The following STX11 variants were observed in gnomAD, a reference collection of about 807,000 sequenced individuals.
STX11 encodes syntaxin 11, also known as syntaxin-11.
STX11 carries 21 observed loss-of-function variants against 19.9 expected under a neutral mutation model. The ratio of observed to expected loss-of-function variants is 1.06; its 90% confidence interval spans 0.75 to 1.52. The LOEUF (loss-of-function observed/expected upper bound fraction) is 1.52, where lower values mean the gene tolerates loss of function less well. Ranked by LOEUF, STX11 falls within the 40% of genes most tolerant of loss-of-function variation. The pLI, the probability that STX11 is intolerant of heterozygous loss-of-function variation, is 0.00. For synonymous variants in STX11, 193 were observed against 174.4 expected (o/e 1.11, Z -0.84); for missense variants, 438 against 405.9 (o/e 1.08, Z -0.68).
intron 1 of STX11, among the ~76,000 whole-genome samples, chr6:144,164,480 T>C (rs1012087278): frequency 5.9e-5 from 9 of 152,350 alleles, no homozygotes; most frequent in Admixed American, 3.9e-4. Context: ...CATTATTCTT[T>C]AGCTACAGAA....
rs554900616 is a variant in STX11 at position 144,160,571 on chromosome 6, A to G, written c.-6+9868A>G. Reference sequence around the variant, plus strand: ...CTGACATCACAAAGCAAATAGGCCAAGTGCTAACATGTGCATATTTAACCT... The same window carrying G: ...CTGACATCACAAAGCAAATAGGCCAGGTGCTAACATGTGCATATTTAACCT... On this transcript the variant is annotated intron_variant, in intron 1 of 1. Transcript: ENST00000367568. This position sits in a 1 kb window ranked among gnomAD's most constrained non-coding sequence, Gnocchi z 4.3. 1.1e-4 allele frequency among the ~76,000 whole-genome samples: 17 copies of G among 152,324 alleles called. No homozygotes were observed. The highest frequency in any genetic ancestry group is 4.1e-4 in the African/African-American group (17 of 41,566).
upstream of STX11, among the ~76,000 whole-genome samples, chr6:144,145,707 ATAGAAG>A (rs367631058): frequency 6.6e-6 from 1 of 152,220 alleles, no homozygotes; most frequent in African/African-American, 2.4e-5. Flanking sequence ...CACTGAACTC[ATAGAAG>A]TAGAAGTAGA....
In STX11 at chr6:144,162,987, T is replaced by C. The variant is rs528803145; in HGVS notation, c.-6+12284T>C. 5.9e-5 allele frequency among the ~76,000 whole-genome samples: 9 copies of C among 152,352 alleles called. No homozygotes were observed. The highest frequency in any genetic ancestry group is 2.2e-4 in the African/African-American group (9 of 41,584). ...AGTTTGCTCAGTGCTAGGAGTCCCA[T>C]ACAGGCTTATTCGATTCTGCATCCT... On this transcript the variant is annotated intron_variant, in intron 1 of 1. Transcript: ENST00000367568. This position sits in a 1 kb window ranked among gnomAD's most constrained non-coding sequence, Gnocchi z 4.6.
intron 1 of STX11, among the ~76,000 whole-genome samples, chr6:144,161,410 C>T (rs1305977653): frequency 2.6e-5 from 4 of 152,142 alleles, no homozygotes; most frequent in African/African-American, 9.7e-5. Flanking sequence ...CACTGTCGCC[C>T]ACGCTGGAGT....
rs541346004 is a variant in STX11, at chr6:144,182,665, A to G, written c.-5-3958A>G. Among the ~76,000 whole-genome samples the G allele has an allele frequency of 3.3e-5, 5 of 152,282 alleles. No individual in the cohort carries two copies. The highest frequency in any genetic ancestry group is 1.9e-4 in the East Asian group (1 of 5,190). On this transcript the variant is annotated intron_variant, in intron 1 of 1. Coordinates refer to ENST00000367568, the MANE Select transcript of STX11 (RefSeq NM_003764.4). This position sits in a 1 kb window ranked among gnomAD's most constrained non-coding sequence, Gnocchi z 4.8. Reference sequence around the variant, plus strand: ...TATTGTGATGAGATGATTTCCCCCAATAGCTTTTTAATGGCTGTAGGAGAG... The same window carrying G: ...TATTGTGATGAGATGATTTCCCCCAGTAGCTTTTTAATGGCTGTAGGAGAG...
upstream of STX11, among the ~76,000 whole-genome samples, chr6:144,147,661 A>C (rs1370023625): frequency 6.6e-6 from 1 of 152,206 alleles, no homozygotes; most frequent in Non-Finnish European, 1.5e-5. This position sits in a 1 kb window ranked among gnomAD's most constrained non-coding sequence, Gnocchi z 4.2. Context: ...GAAGGTGTCC[A>C]AAATGCCACT....
chr6:144,167,997 A>G lies in STX11; in HGVS notation c.-6+17294A>G, dbSNP rs1801527719. 2.0e-5 allele frequency among the ~76,000 whole-genome samples: 3 copies of G among 152,242 alleles called. No individual in the cohort carries two copies. Among genetic ancestry groups the G allele is most frequent in the African/African-American group, 7.2e-5 (3 of 41,458 alleles). ...TAACATACCATTAATACAGTGAAAAAAATAATGTGTTCAGGGCAACTAAGC... is the reference window on the plus strand; with the variant it reads ...TAACATACCATTAATACAGTGAAAAGAATAATGTGTTCAGGGCAACTAAGC... On this transcript the variant is annotated intron_variant, in intron 1 of 1. Transcript: ENST00000367568. The surrounding 1 kb of genome is among the most constrained non-coding windows in gnomAD (Gnocchi z 5.0).
In STX11 at chr6:144,187,481, G is replaced by GC; in HGVS notation, c.856dup (p.Leu286ProfsTer69). ...ACCCTCTGCTGCTTCTGCTGTCCCT[G>GC]CCTCAAGTAGCAGGCCGGCCCGGGC... On this transcript the variant is annotated frameshift_variant, in exon 2 of 2. Transcript: ENST00000367568. LOFTEE classifies it high-confidence loss of function. This position sits in a 1 kb window ranked among gnomAD's most constrained non-coding sequence, Gnocchi z 5.6. 4 of 1,612,432 alleles carry GC rather than the reference G, an allele frequency of 2.5e-6. No homozygotes were observed. Among genetic ancestry groups the GC allele is most frequent in the Non-Finnish European group, 3.4e-6 (4 of 1,179,962 alleles).
rs79627238 is a variant in STX11 at position 144,187,881 on chromosome 6, T to A, written c.*390T>A. 5.7e-6 allele frequency: 2 copies of A among 352,398 alleles called. No homozygotes were observed. Among genetic ancestry groups the A allele is most frequent in the African/African-American group, 4.1e-5 (2 of 48,414 alleles). The allele number at this position is 352,398 out of a possible 1,614,324, so 21.8% of individuals were successfully genotyped here. A position where few individuals can be genotyped will look rare whatever the true frequency, so the allele number is the denominator to read the frequency against. On this transcript the variant is annotated 3_prime_UTR_variant, in exon 2 of 2. Coordinates refer to ENST00000367568, the MANE Select transcript of STX11 (RefSeq NM_003764.4). The surrounding 1 kb of genome is among the most constrained non-coding windows in gnomAD (Gnocchi z 5.6). ...GGCATCTGCTAATAGAATGAACTCA[T>A]GATGGAAACTTCAGTTCATTTACTT...
the STX11 span, among the ~76,000 whole-genome samples, chr6:144,142,575 T>C: frequency 6.6e-6 from 1 of 152,226 alleles, no homozygotes; most frequent in Non-Finnish European, 1.5e-5. Flanking sequence ...AATGGAATAC[T>C]ATTCCGCCAT....
chr6:144,145,581 G>A (rs996993169), upstream of STX11, among the ~76,000 whole-genome samples: 6 of 152,194 alleles, frequency 3.9e-5, no homozygotes, highest in African/African-American at 1.4e-4. Context: ...ACAGAAGAAG[G>A]AAATCTTGTC....
At chr6:144,157,870 T>G (rs907752566) in intron 1 of STX11, among the ~76,000 whole-genome samples, 3 of 151,872 alleles carry the variant, frequency 2.0e-5, no homozygotes, top group Non-Finnish European at 4.4e-5. Context: ...CCCCCCGCTC[T>G]CTCTCTCGCT....
At position 144,170,838 on chromosome 6, in the gene STX11, C is replaced by T. The variant is rs566750041; in HGVS notation, c.-5-15785C>T. Among the ~76,000 whole-genome samples, 11 of 152,216 alleles carry T rather than the reference C, an allele frequency of 7.2e-5. No individual in the cohort carries two copies. In the South Asian group the frequency reaches 1.9e-3, roughly 26 times the overall value. ...ATTAGTTATTTGAGGGAATTTAAAT[C>T]ACAGGAATACATGACCATAGGTAAC... On this transcript the variant is annotated intron_variant, in intron 1 of 1. Coordinates refer to ENST00000367568, the MANE Select transcript of STX11 (RefSeq NM_003764.4). The surrounding 1 kb of genome is among the most constrained non-coding windows in gnomAD (Gnocchi z 4.7).
chr6:144,178,834 A>G (rs1801835230), intron 1 of STX11, among the ~76,000 whole-genome samples: 1 of 142,596 alleles, frequency 7.0e-6, no homozygotes, highest in Non-Finnish European at 1.6e-5. Context: ...AAGATACGAT[A>G]CAAGCTTTTT....
At position 144,153,083 on chromosome 6, in the gene STX11, T is replaced by G. The variant is rs965429981; in HGVS notation, c.-6+2380T>G. Reference sequence around the variant, plus strand: ...ACAGTTTACTGTTGCAATTGAAATCTGCTGAGATGCTTTTGAACTGGATGC... The same window carrying G: ...ACAGTTTACTGTTGCAATTGAAATCGGCTGAGATGCTTTTGAACTGGATGC... On this transcript the variant is annotated intron_variant, in intron 1 of 1. Transcript: ENST00000367568. The surrounding 1 kb of genome is among the most constrained non-coding windows in gnomAD (Gnocchi z 5.0). Among the ~76,000 whole-genome samples, 5 of 152,256 alleles carry G rather than the reference T, an allele frequency of 3.3e-5. No homozygotes were observed. The highest frequency in any genetic ancestry group is 1.2e-4 in the African/African-American group (5 of 41,468).
chr6:144,173,143 T>A (rs113861948), intron 1 of STX11, among the ~76,000 whole-genome samples: 4,802 of 152,354 alleles, frequency 0.032, 103 homozygotes, highest in Non-Finnish European at 0.047. Flanking sequence ...TAGATCCTGA[T>A]CATAAAAAGT....
rs747959287 is a variant in STX11 at position 144,187,359 on chromosome 6, C to T, written c.732C>T (p.Val244=). Residue 244 remains valine (V), a synonymous_variant, in exon 2 of 2, where the codon GTC becomes GTT. Coordinates refer to ENST00000367568, the MANE Select transcript of STX11 (RefSeq NM_003764.4). This position sits in a 1 kb window ranked among gnomAD's most constrained non-coding sequence, Gnocchi z 5.6. ...AGAAGCAGGCCGACACCCTGAACGT[C>T]ATCGAGCTCAACGTACAAAAGACGG... is the stretch of plus-strand genomic sequence containing the variant. ...LVEKQADTLN[V]IELNVQKTVD... 1.2e-6 allele frequency: 2 copies of T among 1,610,430 alleles called. No individual in the cohort carries two copies. The highest frequency in any genetic ancestry group is 1.7e-6 in the Non-Finnish European group (2 of 1,179,972).
intron 1 of STX11, among the ~76,000 whole-genome samples, chr6:144,168,754 T>G (rs1457951897): frequency 1.3e-5 from 2 of 152,216 alleles, no homozygotes; most frequent in Non-Finnish European, 2.9e-5. Flanking sequence ...GCTAAACTCC[T>G]TTTGAAAATC....
In STX11 at chr6:144,166,737, GCTGGTCTCAAA is replaced by G. The variant is rs569936249; in HGVS notation, c.-6+16037_-6+16047del. Among the ~76,000 whole-genome samples the G allele has an allele frequency of 5.0e-3, 754 of 152,012 alleles. 6 individuals are homozygous for G. The highest frequency in any genetic ancestry group is 0.017 in the African/African-American group (716 of 41,450). On this transcript the variant is annotated intron_variant, in intron 1 of 1. Transcript: ENST00000367568. ...CCCGGGATTTCACCACGTTGGCCAGGCTGGTCTCAAACTCCTGACCTGATGTGATCCGCCCG... is the reference window on the plus strand; with the variant it reads ...CCCGGGATTTCACCACGTTGGCCAGGCTCCTGACCTGATGTGATCCGCCCG...
Sources: gnomAD v4.1 joint callset for allele counts (sites outside exome capture counted in the v4.1 genomes callset) on GRCh38, gnomAD v4.1.1 for gene constraint, Gnocchi (gnomAD v3.1) non-coding constraint, MANE v1.5 for transcripts, NCBI Gene and HGNC (gene_info 2026-07-23, HGNC 2026-07-21) for gene names.